RBFOX3: variants seen among roughly 807,000 people sequenced by gnomAD.
RBFOX3 encodes RNA binding protein fox-1 homolog 3.
Under a neutral mutation model 48.7 loss-of-function variants are expected in RBFOX3, and 17 were observed. That is an observed-to-expected ratio of 0.35 (90% CI 0.24 to 0.52). The LOEUF (loss-of-function observed/expected upper bound fraction) is 0.52. RBFOX3 is among the 20% of genes least tolerant of loss of function. RBFOX3 has a pLI of 0.94. For missense variants in RBFOX3, 382 were observed against 497.5 expected, an observed-to-expected ratio of 0.77 and a Z score of 2.21; for synonymous variants, 212 against 209.5, an observed-to-expected ratio of 1.01 and a Z score of -0.10.
Position 79,361,870 on chromosome 17 carries a change from T to C in RBFOX3, c.-174-54046A>G, listed in dbSNP as rs185460489. Among the ~76,000 whole-genome samples the C allele has an allele frequency of 0.034, 5,214 of 152,322 alleles. 168 individuals carry two copies. Among genetic ancestry groups the C allele is most frequent in the African/African-American group, 0.088 (3,643 of 41,562 alleles). On this transcript the variant is annotated intron_variant, in intron 2 of 14. Transcript: ENST00000693108. The surrounding 1 kb of genome is among the most constrained non-coding windows in gnomAD (Gnocchi z 4.5). ...TATGGCTCACAAGGCATAGGCAGAT[T>C]TCTCTGTTTCTTTATTTGTTCATTA...
At position 79,477,258 on chromosome 17, in the gene RBFOX3, A is replaced by T. The variant is rs1265069555; in HGVS notation, c.-175+5196T>A. Among the ~76,000 whole-genome samples, 2 of 4,692 alleles carry T rather than the reference A, an allele frequency of 4.3e-4. No homozygotes were observed. The highest frequency in any genetic ancestry group is 4.2e-3 in the East Asian group (2 of 478). The allele number at this position is 4,692 out of a possible 152,430, so 3.1% of individuals were successfully genotyped here. ...AAAAAAAAATAAATAAAGATAAATTAAAAAAAAAAAAAAAAAAAGAGGGCG... is the reference window on the plus strand; with the variant it reads ...AAAAAAAAATAAATAAAGATAAATTTAAAAAAAAAAAAAAAAAAGAGGGCG... On this transcript the variant is annotated intron_variant, in intron 2 of 14. Transcript: ENST00000693108. The surrounding 1 kb of genome is among the most constrained non-coding windows in gnomAD (Gnocchi z 4.8).
Position 79,306,590 on chromosome 17 carries a change from G to C in RBFOX3, c.-74+1134C>G, listed in dbSNP as rs150520190. On this transcript the variant is annotated intron_variant, in intron 3 of 14. Transcript: ENST00000693108. ...AGGATGAGGGTGGGGTCTTCCTCAG[G>C]GGCCATCCCGAGGCCACTTCCTCCC... Among the ~76,000 whole-genome samples, 212 of 152,312 alleles carry C rather than the reference G, an allele frequency of 1.4e-3. 1 individual carries two copies. The highest frequency in any genetic ancestry group is 2.5e-3 in the Non-Finnish European group (168 of 68,026).
chr17:79,393,432 G>A (rs1289684877), intron 2 of RBFOX3, among the ~76,000 whole-genome samples: 2 of 152,252 alleles, frequency 1.3e-5, no homozygotes, highest in Non-Finnish European at 2.9e-5. Flanking sequence ...GCAGGGAAAC[G>A]CTCTCCGTTC....
rs963995254 is a variant in RBFOX3, at chr17:79,149,170, G to A, written c.-33-33422C>T. Among the ~76,000 whole-genome samples, 6 of 152,216 alleles carry A rather than the reference G, an allele frequency of 3.9e-5. No individual in the cohort carries two copies. The South Asian group carries it at 6.2e-4, about 16-fold the overall frequency. ...CCGCTGCCTGCCAGGAAAATGCGAC[G>A]TCTGTGCTATTATTGCCGGGGTTAC... On this transcript the variant is annotated intron_variant, in intron 4 of 14. Coordinates refer to ENST00000693108, the MANE Select transcript of RBFOX3 (RefSeq NM_001350451.2).
chr17:79,236,375 G>T (rs187825364), intron 3 of RBFOX3, among the ~76,000 whole-genome samples: 40 of 152,136 alleles, frequency 2.6e-4, no homozygotes, highest in South Asian at 1.0e-3. Context: ...TGCAACCTCC[G>T]CCTCCTGGGT....
intron 1 of RBFOX3, among the ~76,000 whole-genome samples, chr17:79,488,462 C>T (rs750910516): frequency 4.3e-4 from 66 of 152,286 alleles, no homozygotes; most frequent in African/African-American, 6.7e-4. Context: ...TGAGGCTGTT[C>T]GTCTTCTCAG....
intron 4 of RBFOX3, among the ~76,000 whole-genome samples, chr17:79,122,234 T>A (rs1341575874): frequency 1.3e-5 from 2 of 151,964 alleles, no homozygotes; most frequent in Non-Finnish European, 2.9e-5. Flanking sequence ...GCCGCCATCA[T>A]CTCCTGTCTG....
chr17:79,623,968 C>A, the RBFOX3 span, among the ~76,000 whole-genome samples: 1 of 152,002 alleles, frequency 6.6e-6, no homozygotes. Flanking sequence ...AGCTGGGAGC[C>A]AAGGAGCGCA....
intron 5 of RBFOX3, among the ~76,000 whole-genome samples, chr17:79,114,806 G>A (rs1232575157): frequency 1.3e-5 from 2 of 152,168 alleles, no homozygotes; most frequent in Non-Finnish European, 2.9e-5. Context: ...AAAAGGAATA[G>A]GCCGGCTGGG....
At chr17:79,475,602 C>T (rs1054205800) in intron 2 of RBFOX3, among the ~76,000 whole-genome samples, 59 of 152,120 alleles carry the variant, frequency 3.9e-4, no homozygotes, top group Non-Finnish European at 1.5e-4. Context: ...AGGTGGGCCC[C>T]GATCCAATGA....
chr17:79,503,241 T>G (rs2082609295), intron 1 of RBFOX3, among the ~76,000 whole-genome samples: 1 of 152,088 alleles, frequency 6.6e-6, no homozygotes, highest in African/African-American at 2.4e-5. Context: ...CACAGGGGCT[T>G]AGGGGTTCAC....
At chr17:79,426,092 G>A (rs1460029471) in intron 2 of RBFOX3, among the ~76,000 whole-genome samples, 3 of 152,142 alleles carry the variant, frequency 2.0e-5, no homozygotes, top group African/African-American at 7.2e-5. Flanking sequence ...CAGAACCAGG[G>A]GCTTTTGGCA....
intron 3 of RBFOX3, among the ~76,000 whole-genome samples, chr17:79,278,831 C>T (rs1769719154): frequency 6.6e-6 from 1 of 152,240 alleles, no homozygotes; most frequent in Non-Finnish European, 1.5e-5. Context: ...TAGTGATCTC[C>T]TGGCCCAGCC....
At chr17:79,567,309 T>A (rs1170080766) in intron 1 of RBFOX3, among the ~76,000 whole-genome samples, 1 of 151,310 alleles carries the variant, frequency 6.6e-6, no homozygotes, top group Non-Finnish European at 1.5e-5. Context: ...TCAGCCTCCC[T>A]AGTAGCTGGG....
intron 1 of RBFOX3, among the ~76,000 whole-genome samples, chr17:79,572,501 T>C (rs2092711587): frequency 6.6e-6 from 1 of 151,440 alleles, no homozygotes. Flanking sequence ...CCACCCCAGC[T>C]CTGCCCACCA....
intron 1 of RBFOX3, among the ~76,000 whole-genome samples, chr17:79,491,075 A>G (rs2080475591): frequency 2.1e-4 from 1 of 4,776 alleles, no homozygotes; most frequent in Admixed American, 2.1e-3. Flanking sequence ...AGGGGAGGGG[A>G]GGCGAGGGGA....
intron 3 of RBFOX3, among the ~76,000 whole-genome samples, chr17:79,271,338 A>C (rs1356217773): frequency 6.6e-6 from 1 of 152,170 alleles, no homozygotes; most frequent in East Asian, 1.9e-4. Context: ...GGCCTCCCAA[A>C]GTGCTGGGAT....
At chr17:79,543,447 G>A (rs1330358222) in intron 1 of RBFOX3, among the ~76,000 whole-genome samples, 1 of 151,996 alleles carries the variant, frequency 6.6e-6, no homozygotes, top group Non-Finnish European at 1.5e-5. Context: ...TTCCCCTCCT[G>A]ACAAGCAGGA....
At chr17:79,563,233 A>C (rs910808488) in intron 1 of RBFOX3, among the ~76,000 whole-genome samples, 2 of 145,764 alleles carry the variant, frequency 1.4e-5, no homozygotes, top group East Asian at 2.0e-4. Context: ...AAAAAAAAAA[A>C]CAAAAAAACA....
Sources: gnomAD v4.1 joint callset for allele counts (sites outside exome capture counted in the v4.1 genomes callset) on GRCh38, gnomAD v4.1.1 for gene constraint, Gnocchi (gnomAD v3.1) non-coding constraint, MANE v1.5 for transcripts, NCBI Gene and HGNC (gene_info 2026-07-23, HGNC 2026-07-21) for gene names.